The following TENT2 variants were observed in gnomAD, a reference collection of about 807,000 sequenced individuals.
The protein encoded by TENT2 is terminal nucleotidyltransferase 2, also known as poly(A) RNA polymerase GLD2.
A neutral mutation model predicts 72.2 loss-of-function variants in TENT2; 44 were observed. That is an observed-to-expected ratio of 0.61 (90% CI 0.48 to 0.78). The LOEUF is 0.78. Among genes scored for constraint, TENT2 ranks in the 30% least tolerant of loss-of-function variants. The probability of loss-of-function intolerance (pLI) is 0.00; values close to 1 mark genes in which losing one functional copy is unlikely to be tolerated. For missense variants in TENT2, 541 were observed against 569.6 expected (o/e 0.95, Z 0.51); for synonymous variants, 212 against 192.5 (o/e 1.10, Z -0.84).
intron 14 of TENT2, among the ~76,000 whole-genome samples, chr5:79,684,346 C>T (rs528504229): frequency 2.0e-5 from 3 of 152,288 alleles, no homozygotes; most frequent in South Asian, 4.1e-4. Context: ...CAGCCTCAAT[C>T]TCCTGCGCTC....
chr5:79,649,228 A>G, intron 10 of TENT2, 38 bp downstream of exon 10: 1 of 1,582,028 alleles, frequency 6.3e-7, no homozygotes, highest in Non-Finnish European at 8.7e-7. Flanking sequence ...TTTAAAAGTA[A>G]AAGACAGCTT....
intron 11 of TENT2, among the ~76,000 whole-genome samples, chr5:79,666,888 G>A (rs925095902): frequency 6.6e-6 from 1 of 152,118 alleles, no homozygotes; most frequent in African/African-American, 2.4e-5. Flanking sequence ...ATTTCTTAAG[G>A]ATAGATAGAA....
At chr5:79,644,959 C>T (rs1052326880) in intron 7 of TENT2, 164 bp from the exon 8 acceptor site, 1 of 543,594 alleles carries the variant, frequency 1.8e-6, no homozygotes, top group Non-Finnish European at 3.2e-6. Context: ...ACTGGAGCCT[C>T]CAACCTTAGA....
intron 13 of TENT2, among the ~76,000 whole-genome samples, chr5:79,680,909 T>G (rs1821168777): frequency 6.6e-6 from 1 of 152,104 alleles, no homozygotes; most frequent in African/African-American, 2.4e-5. Flanking sequence ...CTTCTCATTA[T>G]TATCTTCAGT....
intron 10 of TENT2, among the ~76,000 whole-genome samples, chr5:79,656,424 TA>T (rs1798011686): frequency 6.6e-6 from 1 of 152,006 alleles, no homozygotes; most frequent in Non-Finnish European, 1.5e-5. Context: ...CTTTCATTTT[TA>T]TTTGATTTTT....
intron 8 of TENT2, among the ~76,000 whole-genome samples, chr5:79,647,243 T>TA (rs1327836703): frequency 6.6e-6 from 1 of 152,220 alleles, no homozygotes; most frequent in East Asian, 1.9e-4. Flanking sequence ...TTTTAGATAA[T>TA]ATAAATAAGT....
rs552942952 is a variant in TENT2 at position 79,683,706 on chromosome 5, G to A, written c.1381-1493G>A. Among the ~76,000 whole-genome samples the A allele has an allele frequency of 1.6e-4, 25 of 151,614 alleles. No individual in the cohort carries two copies. In the East Asian group the frequency reaches 4.3e-3, roughly 26 times the overall value. On this transcript the variant is annotated intron_variant, in intron 14 of 14. Transcript: ENST00000453514. ...CGAGGCGGGCGGATCACGAGGTCAG[G>A]AGATCGAGACCATCCCGGCTAAAAC... is the stretch of plus-strand genomic sequence containing the variant.
intron 4 of TENT2, among the ~76,000 whole-genome samples, chr5:79,632,165 G>A (rs901816262): frequency 1.3e-5 from 2 of 152,154 alleles, no homozygotes; most frequent in South Asian, 2.1e-4. Context: ...GCTCACTTAA[G>A]ATTGGTAATA....
chr5:79,686,962 T>C lies in TENT2; in HGVS notation c.*1689T>C, dbSNP rs115088657. ...ATGACTGGGTAATCATTATAAGCAT[T>C]AGTCATAGTACTATTCAGTAATACT... On this transcript the variant is annotated 3_prime_UTR_variant, in exon 15 of 15. Coordinates refer to ENST00000453514, the MANE Select transcript of TENT2 (RefSeq NM_001114394.3). 0.013 allele frequency among the ~76,000 whole-genome samples: 1,990 copies of C among 152,286 alleles called. 43 individuals are homozygous for C. Among genetic ancestry groups the C allele is most frequent in the African/African-American group, 0.046 (1,904 of 41,552 alleles).
chr5:79,683,703 CAGG>C (rs1463296101), intron 14 of TENT2, among the ~76,000 whole-genome samples: 18 of 151,404 alleles, frequency 1.2e-4, no homozygotes, highest in Non-Finnish European at 2.2e-4. Flanking sequence ...ATCACGAGGT[CAGG>C]AGATCGAGAC....
At chr5:79,623,641 A>C in intron 4 of TENT2, 152 bp downstream of exon 4, 1 of 454,136 alleles carries the variant, frequency 2.2e-6, no homozygotes. Flanking sequence ...CTGTCCAAAC[A>C]TTACTTTGAT....
chr5:79,627,238 G>A (rs1771064006), intron 4 of TENT2, among the ~76,000 whole-genome samples: 1 of 151,748 alleles, frequency 6.6e-6, no homozygotes, highest in Non-Finnish European at 1.5e-5. Flanking sequence ...ATTTTTACTT[G>A]TATTTGTATG....
In TENT2 at chr5:79,649,200, A is replaced by G. The variant is rs1013071266; in HGVS notation, c.1027+10A>G. On this transcript the variant is annotated intron_variant, in intron 10 of 14. Transcript: ENST00000453514. ...TTGCACTATTTACAAAGTAAGTATA[A>G]TGGGGTTTTACCCAATTTTTAAAAG... The G allele has an allele frequency of 1.1e-5, 17 of 1,609,972 alleles. No homozygotes were observed. The highest frequency in any genetic ancestry group is 1.4e-5 in the Non-Finnish European group (16 of 1,177,370).
chr5:79,671,640 C>T (rs1342089608), intron 12 of TENT2, among the ~76,000 whole-genome samples: 1 of 151,880 alleles, frequency 6.6e-6, no homozygotes, highest in Non-Finnish European at 1.5e-5. Flanking sequence ...AACTCCTGAC[C>T]TCAAATGATC....
At chr5:79,619,917 AT>A (rs1763407613) in intron 2 of TENT2, 76 bp from the exon 3 acceptor site, 23 of 1,451,638 alleles carry the variant, frequency 1.6e-5, no homozygotes, top group South Asian at 3.8e-5. Flanking sequence ...GATGTATTTA[AT>A]TTTTTTTCAG....
chr5:79,620,388 T>A (rs1378731605), intron 3 of TENT2, among the ~76,000 whole-genome samples: 1 of 152,204 alleles, frequency 6.6e-6, no homozygotes, highest in East Asian at 1.9e-4. Context: ...ACTTTTTAAT[T>A]GAGATTTTTT....
chr5:79,620,884 T>C (rs1764215318), intron 3 of TENT2, among the ~76,000 whole-genome samples: 1 of 152,206 alleles, frequency 6.6e-6, no homozygotes, highest in Non-Finnish European at 1.5e-5. Context: ...TAGTGAAAAT[T>C]TCTGTGTGAC....
At chr5:79,639,477 G>GTTTTTTTTTTTTTTT (rs368927693) in intron 4 of TENT2, among the ~76,000 whole-genome samples, 1 of 145,210 alleles carries the variant, frequency 6.9e-6, no homozygotes, top group Non-Finnish European at 1.5e-5. Flanking sequence ...AGTGAAGGTG[G>GTTTTTTTTTTTTTTT]TTTTTTTTTT....
intron 5 of TENT2, 49 bp from the exon 6 acceptor site, chr5:79,641,056 A>G: frequency 6.7e-7 from 1 of 1,498,170 alleles, no homozygotes; most frequent in Non-Finnish European, 9.0e-7. Context: ...AGAACCATGC[A>G]CCTACTTTAG....
Sources: gnomAD v4.1 joint callset for allele counts (sites outside exome capture counted in the v4.1 genomes callset) on GRCh38, gnomAD v4.1.1 for gene constraint, MANE v1.5 for transcripts, NCBI Gene and HGNC (gene_info 2026-07-23, HGNC 2026-07-21) for gene names.